The following SLC30A9 variants were observed in gnomAD, a reference collection of about 807,000 sequenced individuals.
SLC30A9 encodes the protein solute carrier family 30 member 9, also known as proton-coupled zinc antiporter SLC30A9, mitochondrial.
In SLC30A9, 58 loss-of-function variants were observed where a neutral mutation model predicts 87.5. The observed-to-expected ratio is 0.66, with a 90% CI of 0.54 to 0.82. The LOEUF (loss-of-function observed/expected upper bound fraction) is 0.82, where lower values mean the gene tolerates loss of function less well. Ranked by LOEUF, SLC30A9 falls within the 40% of genes least tolerant of loss-of-function variation. The pLI, the probability that SLC30A9 is intolerant of heterozygous loss-of-function variation, is 0.00. For missense variants in SLC30A9, 557 were observed against 679.1 expected (o/e 0.82, Z 2.00); for synonymous variants, 234 against 233.0 (o/e 1.00, Z -0.04).
At chr4:41,991,439 A>G (rs1714436577) in intron 1 of SLC30A9, among the ~76,000 whole-genome samples, 1 of 152,178 alleles carries the variant, frequency 6.6e-6, no homozygotes, top group South Asian at 2.1e-4. Context: ...TCTGACTCAA[A>G]TTTAAATGGT....
intron 8 of SLC30A9, among the ~76,000 whole-genome samples, chr4:42,047,652 A>G (rs1429999782): frequency 6.6e-6 from 1 of 152,208 alleles, no homozygotes; most frequent in Non-Finnish European, 1.5e-5. Context: ...TAGTTCAACC[A>G]TTGTGGAAGA....
At chr4:41,991,414 C>G (rs889209804) in intron 1 of SLC30A9, among the ~76,000 whole-genome samples, 11 of 152,220 alleles carry the variant, frequency 7.2e-5, no homozygotes, top group Non-Finnish European at 1.3e-4. Context: ...ATTTTCGTCT[C>G]TCTCAACATT....
Position 42,086,263 on chromosome 4 carries a change from T to C in SLC30A9, c.*137T>C, listed in dbSNP as rs1370878727. On this transcript the variant is annotated 3_prime_UTR_variant, in exon 18 of 18. Transcript: ENST00000264451. ...TTTTTTTAAGATGAAGGAAATATTT[T>C]ATGTAAAGAGCAACTCAGCAGGACA... 6 of 453,994 alleles carry C rather than the reference T, an allele frequency of 1.3e-5. No individual in the cohort carries two copies. Among genetic ancestry groups the C allele is most frequent in the Non-Finnish European group, 2.0e-5 (5 of 249,522 alleles). 28.1% of individuals were successfully genotyped at this position (453,994 alleles called of 1,614,324 possible). A position where few individuals can be genotyped will look rare whatever the true frequency, so the allele number is the denominator to read the frequency against.
At chr4:42,007,820 CTT>C (rs10561561) in intron 2 of SLC30A9, among the ~76,000 whole-genome samples, 98,294 of 151,836 alleles carry the variant, frequency 0.65, 35,932 homozygotes, top group East Asian at 0.96. Context: ...ATCATTATCT[CTT>C]GTCTGATTTA....
intron 17 of SLC30A9, among the ~76,000 whole-genome samples, chr4:42,081,553 C>G (rs1461443041): frequency 6.6e-6 from 1 of 152,202 alleles, no homozygotes; most frequent in Non-Finnish European, 1.5e-5. Context: ...ACTTTGCAAA[C>G]AACTAATCTG....
intron 15 of SLC30A9, among the ~76,000 whole-genome samples, chr4:42,073,180 GAA>G (rs1257974823): frequency 1.3e-5 from 2 of 152,122 alleles, no homozygotes; most frequent in Admixed American, 1.3e-4. Context: ...ATCCGTTACT[GAA>G]AGTATCGAAG....
chr4:42,053,493 C>T (rs746668064), intron 9 of SLC30A9, among the ~76,000 whole-genome samples: 7 of 151,928 alleles, frequency 4.6e-5, no homozygotes, highest in Non-Finnish European at 1.0e-4. Flanking sequence ...GAATTCGAGA[C>T]CAGCCTGGCC....
At chr4:42,018,469 G>C (rs1357750308) in intron 3 of SLC30A9, 1 of 1,204,742 alleles carries the variant, frequency 8.3e-7, no homozygotes, top group Non-Finnish European at 1.1e-6. Context: ...AAGAACAAGA[G>C]GCCCACACTT....
At chr4:42,001,920 C>T in intron 2 of SLC30A9, 140 bp downstream of exon 2, 1 of 553,204 alleles carries the variant, frequency 1.8e-6, no homozygotes, top group Non-Finnish European at 3.1e-6. Context: ...TATTAAAGCA[C>T]TTATTTAATT....
chr4:42,075,050 TATATATATA>T lies in SLC30A9; in HGVS notation c.1419-606_1419-598del, dbSNP rs1189193754. ...ATATATATATATATATATATATATATATATATATATTTTTTTTTTTTTTTTTTTTTTTTT... is the reference window on the plus strand; with the variant it reads ...ATATATATATATATATATATATATATTTTTTTTTTTTTTTTTTTTTTTTTT... On this transcript the variant is annotated intron_variant, in intron 15 of 17. Coordinates refer to ENST00000264451, the MANE Select transcript of SLC30A9 (RefSeq NM_006345.4). Among the ~76,000 whole-genome samples, 81 of 21,860 alleles carry T rather than the reference TATATATATA, an allele frequency of 3.7e-3. 1 individual carries two copies. The highest frequency in any genetic ancestry group is 5.0e-3 in the East Asian group (3 of 596). 14.3% of individuals were successfully genotyped at this position (21,860 alleles called of 152,430 possible).
chr4:42,057,709 G>A (rs1454315009), intron 9 of SLC30A9, among the ~76,000 whole-genome samples: 1 of 152,114 alleles, frequency 6.6e-6, no homozygotes, highest in Non-Finnish European at 1.5e-5. Flanking sequence ...GCAAATTTCT[G>A]CAGCTGGCTT....
chr4:42,032,696 C>T (rs1049610928), intron 6 of SLC30A9, among the ~76,000 whole-genome samples: 7 of 152,116 alleles, frequency 4.6e-5, no homozygotes, highest in African/African-American at 1.4e-4. Flanking sequence ...AAGGAAAGAA[C>T]AAAGTAGCAG....
chr4:42,021,078 T>C (rs1715925846), intron 4 of SLC30A9, among the ~76,000 whole-genome samples: 2 of 152,344 alleles, frequency 1.3e-5, no homozygotes, highest in South Asian at 2.1e-4. Context: ...AGAAATCAGA[T>C]GATCTATCTT....
intron 1 of SLC30A9, among the ~76,000 whole-genome samples, chr4:41,991,721 T>C (rs183731311): frequency 6.6e-6 from 1 of 152,312 alleles, no homozygotes; most frequent in East Asian, 1.9e-4. Context: ...AGTTCTAGGC[T>C]AGCCTTGGCA....
At chr4:42,043,196 C>T (rs1388349049) in intron 8 of SLC30A9, among the ~76,000 whole-genome samples, 1 of 152,114 alleles carries the variant, frequency 6.6e-6, no homozygotes, top group East Asian at 1.9e-4. Flanking sequence ...AACTCCTCGC[C>T]AGCAAGGGAA....
intron 2 of SLC30A9, among the ~76,000 whole-genome samples, chr4:42,009,769 C>T (rs1298277348): frequency 6.6e-6 from 1 of 152,196 alleles, no homozygotes; most frequent in Non-Finnish European, 1.5e-5. Flanking sequence ...CTTAAAGCAA[C>T]TCATTTTATG....
Position 42,089,314 on chromosome 4 carries a change from C to T in SLC30A9, c.*3188C>T, listed in dbSNP as rs966490379. 1 of 152,222 alleles carries T rather than the reference C, an allele frequency of 6.6e-6. No individual in the cohort carries two copies. Among genetic ancestry groups the T allele is most frequent in the African/African-American group, 2.4e-5 (1 of 41,452 alleles). The allele number at this position is 152,222 out of a possible 1,614,324, so 9.4% of individuals were successfully genotyped here. A position where few individuals can be genotyped will look rare whatever the true frequency, so the allele number is the denominator to read the frequency against. On this transcript the variant is annotated 3_prime_UTR_variant, in exon 18 of 18. Transcript: ENST00000264451. ...AAAAAGCATCTGTACCTACTTTTAG[C>T]TTTGGCTGAGAATGGATCTCTAATT...
intron 2 of SLC30A9, among the ~76,000 whole-genome samples, chr4:42,017,375 GTTT>G (rs61558035): frequency 2.7e-4 from 37 of 138,720 alleles, no homozygotes; most frequent in Non-Finnish European, 3.6e-4. Flanking sequence ...TTTTTTCTCT[GTTT>G]TTTTTTTTTT....
intron 17 of SLC30A9, among the ~76,000 whole-genome samples, chr4:42,085,704 T>TTA (rs1718899996): frequency 6.6e-6 from 1 of 152,162 alleles, no homozygotes; most frequent in African/African-American, 2.4e-5. Flanking sequence ...TATGGATTGT[T>TTA]GCTAAAGTAT....
Sources: gnomAD v4.1 joint callset for allele counts (sites outside exome capture counted in the v4.1 genomes callset) on GRCh38, gnomAD v4.1.1 for gene constraint, MANE v1.5 for transcripts, NCBI Gene and HGNC (gene_info 2026-07-23, HGNC 2026-07-21) for gene names.